The following RASGRF1 variants were observed in gnomAD, a reference collection of about 807,000 sequenced individuals.
The protein encoded by RASGRF1 is ras-specific guanine nucleotide-releasing factor 1.
In RASGRF1, 40 loss-of-function variants were observed where a neutral mutation model predicts 138.7. The ratio of observed to expected loss-of-function variants is 0.29; its 90% CI spans 0.22 to 0.38. RASGRF1 has a LOEUF of 0.38. Among genes scored for constraint, RASGRF1 ranks in the 10% least tolerant of loss-of-function variants. RASGRF1 has a pLI of 1.00. For synonymous variants in RASGRF1, 614 were observed against 663.2 expected (o/e 0.93, Z 1.14); for missense variants, 1,108 against 1,650.4 (o/e 0.67, Z 5.69).
At chr15:78,968,181 G>A (rs1288723430) in intron 26 of RASGRF1, among the ~76,000 whole-genome samples, 1 of 151,482 alleles carries the variant, frequency 6.6e-6, no homozygotes, top group Non-Finnish European at 1.5e-5. Context: ...CTCTCACAGT[G>A]CTAGGATTAA....
At chr15:79,082,188 A>T (rs1337323438) in intron 1 of RASGRF1, among the ~76,000 whole-genome samples, 1 of 152,174 alleles carries the variant, frequency 6.6e-6, no homozygotes, top group African/African-American at 2.4e-5. Context: ...GACAGTGGCT[A>T]CCATTAGCAC....
chr15:79,044,688 T>A (rs537578957), intron 5 of RASGRF1, among the ~76,000 whole-genome samples: 1 of 152,354 alleles, frequency 6.6e-6, no homozygotes, highest in East Asian at 1.9e-4. Flanking sequence ...TGGGTCTATC[T>A]TGAGGTCTAT....
intron 1 of RASGRF1, among the ~76,000 whole-genome samples, chr15:79,076,089 G>T (rs1021990875): frequency 6.6e-6 from 1 of 152,228 alleles, no homozygotes; most frequent in Non-Finnish European, 1.5e-5. Flanking sequence ...TCTTCCAAAT[G>T]GGCAAGCTGC....
At chr15:79,015,146 A>T (rs994552827) in intron 13 of RASGRF1, among the ~76,000 whole-genome samples, 181 bp downstream of exon 13, 4 of 152,146 alleles carry the variant, frequency 2.6e-5, no homozygotes, top group African/African-American at 9.7e-5. Context: ...CAAAGCAATC[A>T]TCCAAATAGC....
chr15:78,987,743 C>A (rs954712259), intron 22 of RASGRF1, among the ~76,000 whole-genome samples: 1 of 151,984 alleles, frequency 6.6e-6, no homozygotes, highest in Non-Finnish European at 1.5e-5. Flanking sequence ...CCACAAAAAA[C>A]CCAAGAAGGA....
At chr15:79,000,946 A>G (rs2056508258) in intron 16 of RASGRF1, among the ~76,000 whole-genome samples, 2 of 152,126 alleles carry the variant, frequency 1.3e-5, no homozygotes, top group Admixed American at 1.3e-4. Flanking sequence ...GAGAGCAGGG[A>G]CATTGGAGAA....
chr15:79,058,241 C>A, intron 3 of RASGRF1, 93 bp downstream of exon 3: 1 of 1,519,592 alleles, frequency 6.6e-7, no homozygotes, highest in Non-Finnish European at 8.8e-7. Flanking sequence ...GAGCTGCTTT[C>A]CCTGCCTGTC....
At chr15:78,980,546 G>A (rs2056000930) in intron 24 of RASGRF1, 74 bp downstream of exon 24, 1 of 1,215,906 alleles carries the variant, frequency 8.2e-7, no homozygotes, top group Admixed American at 1.8e-5. Context: ...TCTGGCTGGG[G>A]GCGGCACGTG....
intron 3 of RASGRF1, among the ~76,000 whole-genome samples, chr15:79,058,085 G>A (rs899787294): frequency 2.0e-5 from 3 of 152,230 alleles, no homozygotes; most frequent in African/African-American, 7.2e-5. Flanking sequence ...TGCAGAAACT[G>A]AGGCACAGGC....
intron 1 of RASGRF1, among the ~76,000 whole-genome samples, chr15:79,076,852 C>T (rs11629560): frequency 0.11 from 17,490 of 152,248 alleles, 1,275 homozygotes; most frequent in Middle Eastern, 0.17. Flanking sequence ...AGCCTGGCAC[C>T]GTGCCTTGGC....
rs892656397 is a variant in RASGRF1, at chr15:79,073,581, C to T, written c.277-9055G>A. Among the ~76,000 whole-genome samples, 2 of 152,072 alleles carry T rather than the reference C, an allele frequency of 1.3e-5. No homozygotes were observed. Among genetic ancestry groups the T allele is most frequent in the Non-Finnish European group, 2.9e-5 (2 of 68,012 alleles). On this transcript the variant is annotated intron_variant, in intron 1 of 26. Transcript: ENST00000558480. The surrounding 1 kb of genome is among the most constrained non-coding windows in gnomAD (Gnocchi z 4.2). The stretch of plus-strand genomic sequence containing the variant: ...GCACCGAGGGTGGCACTGGCAGACA[C>T]GGGGTGCCGCTGAGTTGCACTGAGG...
At chr15:79,015,455 G>A in intron 12 of RASGRF1, 46 bp from the exon 13 acceptor site, 1 of 1,540,718 alleles carries the variant, frequency 6.5e-7, no homozygotes, top group Admixed American at 1.7e-5. Context: ...TCCATTCCTG[G>A]ACCCAGGCCC....
intron 2 of RASGRF1, among the ~76,000 whole-genome samples, chr15:79,058,848 T>A (rs1022498847): frequency 6.6e-6 from 1 of 152,216 alleles, no homozygotes; most frequent in Non-Finnish European, 1.5e-5. Context: ...AAAATGAATA[T>A]CAGGTTTTTA....
chr15:78,971,712 C>T (rs548647077), intron 26 of RASGRF1, among the ~76,000 whole-genome samples, 154 bp downstream of exon 26: 1 of 152,216 alleles, frequency 6.6e-6, no homozygotes, highest in Admixed American at 6.5e-5. Flanking sequence ...GAAATAGGGA[C>T]TAGGGAAGCC....
rs988941003 is a variant in RASGRF1 at position 79,006,785 on chromosome 15, G to C, written c.1827-351C>G. On this transcript the variant is annotated intron_variant, in intron 13 of 26. Coordinates refer to ENST00000558480, the MANE Select transcript of RASGRF1 (RefSeq NM_001145648.3). This position sits in a 1 kb window ranked among gnomAD's most constrained non-coding sequence, Gnocchi z 4.0. ...CCAGCACTTTGGGAGGCTGAGGTGGGAGGATCACTTGAGGTCAGGAGCTCA... is the reference window on the plus strand; with the variant it reads ...CCAGCACTTTGGGAGGCTGAGGTGGCAGGATCACTTGAGGTCAGGAGCTCA... 6.6e-6 allele frequency among the ~76,000 whole-genome samples: 1 copy of C among 152,206 alleles called. No individual in the cohort carries two copies. The highest frequency in any genetic ancestry group is 1.5e-5 in the Non-Finnish European group (1 of 68,040).
At chr15:79,037,272 C>G (rs1235868364) in intron 5 of RASGRF1, among the ~76,000 whole-genome samples, 1 of 151,790 alleles carries the variant, frequency 6.6e-6, no homozygotes, top group Non-Finnish European at 1.5e-5. Context: ...TCAGGGGACT[C>G]TCAGGGGTTC....
At chr15:79,036,500 C>T (rs1330296669) in intron 5 of RASGRF1, among the ~76,000 whole-genome samples, 1 of 152,222 alleles carries the variant, frequency 6.6e-6, no homozygotes, top group Admixed American at 6.5e-5. Flanking sequence ...GCTGGCCCTT[C>T]TCCCAGCAGT....
At chr15:79,088,687 C>T (rs1263019411) in intron 1 of RASGRF1, among the ~76,000 whole-genome samples, 2 of 152,126 alleles carry the variant, frequency 1.3e-5, no homozygotes, top group Admixed American at 6.5e-5. Context: ...CTGCAGGCCC[C>T]GGGTAGGTAT....
intron 8 of RASGRF1, among the ~76,000 whole-genome samples, chr15:79,028,239 A>G (rs985602263): frequency 6.6e-6 from 1 of 152,104 alleles, no homozygotes; most frequent in East Asian, 1.9e-4. Flanking sequence ...TGTGTTCATG[A>G]CCCTGACCCT....
Sources: gnomAD v4.1 joint callset for allele counts (sites outside exome capture counted in the v4.1 genomes callset) on GRCh38, gnomAD v4.1.1 for gene constraint, Gnocchi (gnomAD v3.1) non-coding constraint, MANE v1.5 for transcripts, NCBI Gene and HGNC (gene_info 2026-07-23, HGNC 2026-07-21) for gene names.